The following MTUS2 variants were observed in gnomAD, a reference collection of about 807,000 sequenced individuals.
MTUS2 encodes the protein microtubule associated scaffold protein 2.
Under a neutral mutation model 114.1 loss-of-function variants are expected in MTUS2, and 40 were observed. That is an observed-to-expected ratio of 0.35 (90% CI 0.27 to 0.46). MTUS2 has a LOEUF of 0.46. Among genes scored for constraint, MTUS2 ranks in the 20% least tolerant of loss-of-function variants. The probability of loss-of-function intolerance (pLI) is 1.00; values close to 1 mark genes in which losing one functional copy is unlikely to be tolerated. For missense variants in MTUS2, 1,679 were observed against 1,705.4 expected (o/e 0.98, Z 0.27); for synonymous variants, 688 against 672.0 (o/e 1.02, Z -0.37).
intron 2 of MTUS2, among the ~76,000 whole-genome samples, chr13:28,851,844 C>T (rs143217319): frequency 8.5e-4 from 130 of 152,270 alleles, no homozygotes; most frequent in African/African-American, 2.9e-3. Context: ...CCTGGGGCAC[C>T]GCTTCCTGGA....
chr13:29,383,977 A>G (rs184328030), intron 8 of MTUS2, among the ~76,000 whole-genome samples: 217 of 152,350 alleles, frequency 1.4e-3, no homozygotes, highest in African/African-American at 5.1e-3. Context: ...CTTTGGGGCC[A>G]TTTAAAATAA....
intron 2 of MTUS2, among the ~76,000 whole-genome samples, chr13:28,949,382 A>G (rs889059130): frequency 6.6e-6 from 1 of 152,328 alleles, no homozygotes; most frequent in East Asian, 1.9e-4. Context: ...TTTCCAGCAC[A>G]GTTTCTTACC....
intron 5 of MTUS2, among the ~76,000 whole-genome samples, chr13:29,138,425 T>TA (rs1216335669): frequency 1.3e-5 from 2 of 148,632 alleles, no homozygotes; most frequent in Non-Finnish European, 3.0e-5. Context: ...ACCAAATATA[T>TA]AATATAAATA....
chr13:29,302,648 C>T (rs1221057816), intron 6 of MTUS2, among the ~76,000 whole-genome samples: 1 of 152,216 alleles, frequency 6.6e-6, no homozygotes, highest in African/African-American at 2.4e-5. Context: ...GTTGGAGTCT[C>T]CCTGAGATGG....
At chr13:28,875,216 T>TA (rs1262359271) in intron 2 of MTUS2, among the ~76,000 whole-genome samples, 1 of 151,844 alleles carries the variant, frequency 6.6e-6, no homozygotes, top group Non-Finnish European at 1.5e-5. Context: ...GGATGCTCAG[T>TA]AAAAATGTGT....
At chr13:29,179,160 G>A (rs906394704) in intron 5 of MTUS2, among the ~76,000 whole-genome samples, 1 of 152,300 alleles carries the variant, frequency 6.6e-6, no homozygotes, top group African/African-American at 2.4e-5. Context: ...GGATGTTTAT[G>A]GCCGATCCAT....
intron 5 of MTUS2, among the ~76,000 whole-genome samples, chr13:29,246,653 G>A (rs1896936019): frequency 6.6e-6 from 1 of 152,160 alleles, no homozygotes; most frequent in South Asian, 2.1e-4. Context: ...GTATAGCTGA[G>A]GGTACTTGGG....
chr13:29,095,957 G>T (rs1890161567), intron 4 of MTUS2, among the ~76,000 whole-genome samples: 1 of 151,694 alleles, frequency 6.6e-6, no homozygotes, highest in South Asian at 2.1e-4. Context: ...TGACTGCTGG[G>T]TCTTTTCATA....
Position 29,100,930 on chromosome 13 carries a change from CG to C in MTUS2, c.2608del (p.Asp870ThrfsTer24). The C allele has an allele frequency of 1.3e-6, 2 of 1,571,980 alleles. No individual in the cohort carries two copies. Among genetic ancestry groups the C allele is most frequent in the South Asian group, 1.2e-5 (1 of 85,852 alleles). ...SVSSVSSTQS[G>X]DSAQPEQGRP... ...TCTCCTCAGTCTCCAGCACCCAGTCCGGGGACAGTGCACAGCCAGAGCAGGG... is the reference window on the plus strand; with the variant it reads ...TCTCCTCAGTCTCCAGCACCCAGTCCGGGACAGTGCACAGCCAGAGCAGGG... On this transcript the variant is annotated frameshift_variant, in exon 5 of 16. Coordinates refer to ENST00000612955, the MANE Select transcript of MTUS2 (RefSeq NM_001033602.4). LOFTEE classifies it high-confidence loss of function.
intron 9 of MTUS2, among the ~76,000 whole-genome samples, chr13:29,468,838 T>A (rs1354324175): frequency 6.6e-6 from 1 of 152,238 alleles, no homozygotes; most frequent in Admixed American, 6.5e-5. Flanking sequence ...CAGGCATTGA[T>A]ATTGCTATGA....
intron 5 of MTUS2, among the ~76,000 whole-genome samples, chr13:29,180,352 G>A (rs1893945764): frequency 6.6e-6 from 1 of 152,142 alleles, no homozygotes; most frequent in Admixed American, 6.5e-5. Flanking sequence ...AATTTCAATT[G>A]CCAAACACAA....
intron 4 of MTUS2, among the ~76,000 whole-genome samples, chr13:29,055,134 A>G (rs1482374902): frequency 1.3e-5 from 2 of 152,078 alleles, no homozygotes; most frequent in Non-Finnish European, 1.5e-5. Context: ...GAAGAATGCT[A>G]AAATTTCTAG....
chr13:29,335,275 A>T (rs9579338), intron 7 of MTUS2, among the ~76,000 whole-genome samples: 3 of 151,912 alleles, frequency 2.0e-5, no homozygotes, highest in African/African-American at 7.3e-5. Flanking sequence ...CCGGTCTCCC[A>T]TAGTGCTCCC....
chr13:29,179,736 T>C (rs1426327480), intron 5 of MTUS2, among the ~76,000 whole-genome samples: 2 of 152,256 alleles, frequency 1.3e-5, no homozygotes, highest in African/African-American at 4.8e-5. Flanking sequence ...GTAGGTACAC[T>C]GTTGCCTAAA....
At chr13:29,459,081 G>A (rs958303208) in intron 9 of MTUS2, among the ~76,000 whole-genome samples, 2 of 151,616 alleles carry the variant, frequency 1.3e-5, no homozygotes, top group East Asian at 1.9e-4. Flanking sequence ...AGTTGCACAC[G>A]TCACTTCTTC....
chr13:28,872,259 T>TG (rs1877661401), intron 2 of MTUS2, among the ~76,000 whole-genome samples: 1 of 151,936 alleles, frequency 6.6e-6, no homozygotes, highest in Non-Finnish European at 1.5e-5. Flanking sequence ...GATGAATTCA[T>TG]GGGGGGTGTA....
intron 9 of MTUS2, among the ~76,000 whole-genome samples, chr13:29,468,128 C>CA (rs1004871299): frequency 6.6e-6 from 1 of 151,686 alleles, no homozygotes; most frequent in Admixed American, 6.6e-5. Context: ...CAAAAAAACA[C>CA]AAAAAAATCC....
chr13:28,957,338 A>G (rs554026493), intron 2 of MTUS2, among the ~76,000 whole-genome samples: 3 of 152,326 alleles, frequency 2.0e-5, no homozygotes, highest in East Asian at 1.9e-4. Context: ...TCTTCTCTCC[A>G]AAGTTTATCA....
intron 5 of MTUS2, among the ~76,000 whole-genome samples, chr13:29,151,962 A>C (rs763252951): frequency 6.6e-6 from 1 of 152,030 alleles, no homozygotes; most frequent in African/African-American, 2.4e-5. Flanking sequence ...TTTTGCATCT[A>C]TGTTCATTGG....
Sources: gnomAD v4.1 joint callset for allele counts (sites outside exome capture counted in the v4.1 genomes callset) on GRCh38, gnomAD v4.1.1 for gene constraint, MANE v1.5 for transcripts, NCBI Gene and HGNC (gene_info 2026-07-23, HGNC 2026-07-21) for gene names.